The following CSMD1 variants were observed in gnomAD, a reference collection of about 807,000 sequenced individuals.
CSMD1 encodes CUB and Sushi multiple domains 1.
CSMD1 carries 213 observed loss-of-function variants against 417.5 expected under a neutral mutation model. That is an observed-to-expected ratio of 0.51 (90% CI 0.46 to 0.57). CSMD1 has a LOEUF of 0.57. Among genes scored for constraint, CSMD1 ranks in the 20% least tolerant of loss-of-function variants. CSMD1 has a pLI of 0.00. For missense variants in CSMD1, 6,923 were observed against 4,529.7 expected, an observed-to-expected ratio of 1.53 and a Z score of -15.17; for synonymous variants, 2,862 against 1,736.8, an observed-to-expected ratio of 1.65 and a Z score of -16.11.
intron 47 of CSMD1, among the ~76,000 whole-genome samples, chr8:3,095,649 A>G (rs570403644): frequency 6.6e-6 from 1 of 152,298 alleles, no homozygotes; most frequent in South Asian, 2.1e-4. Flanking sequence ...CCATTAGAAT[A>G]ATTTATTTTT....
At chr8:4,572,317 G>C (rs900138629) in intron 2 of CSMD1, among the ~76,000 whole-genome samples, 1 of 152,158 alleles carries the variant, frequency 6.6e-6, no homozygotes. Flanking sequence ...GCCTAGTGGT[G>C]ACAAAATCCC....
intron 3 of CSMD1, among the ~76,000 whole-genome samples, chr8:4,064,971 A>G (rs1456349610): frequency 6.6e-6 from 1 of 152,134 alleles, no homozygotes; most frequent in African/African-American, 2.4e-5. Flanking sequence ...CTGTGCATTC[A>G]CTAACTTTTG....
intron 4 of CSMD1, among the ~76,000 whole-genome samples, chr8:4,020,007 G>A (rs1220672011): frequency 7.3e-5 from 11 of 151,298 alleles, no homozygotes; most frequent in East Asian, 1.9e-4. Context: ...TTGCCATTCC[G>A]CTCTGGGCAC....
rs193249349 is a variant in CSMD1, at chr8:4,751,141, T to A, written c.86-113583A>T. ...GGCTCAGGCCTGTAATCCCAGCACT[T>A]TGGGAGGCCGAGGTGGGTGGATCAC... On this transcript the variant is annotated intron_variant, in intron 1 of 69. Transcript: ENST00000635120. Among the ~76,000 whole-genome samples the A allele has an allele frequency of 6.9e-3, 1,050 of 152,278 alleles. 11 individuals carry two copies. The highest frequency in any genetic ancestry group is 0.024 in the African/African-American group (1,017 of 41,564).
intron 4 of CSMD1, among the ~76,000 whole-genome samples, chr8:4,001,179 C>G (rs527474693): frequency 2.0e-5 from 3 of 152,166 alleles, no homozygotes; most frequent in African/African-American, 4.8e-5. Flanking sequence ...ATAGAATAAA[C>G]ATAGAATACA....
intron 3 of CSMD1, among the ~76,000 whole-genome samples, chr8:4,393,074 C>T (rs947014740): frequency 6.6e-6 from 1 of 152,126 alleles, no homozygotes; most frequent in African/African-American, 2.4e-5. Context: ...CTCCGGGGTT[C>T]AAGCGATTCT....
intron 7 of CSMD1, among the ~76,000 whole-genome samples, chr8:3,691,674 AT>A: frequency 6.6e-6 from 1 of 152,168 alleles, no homozygotes; most frequent in East Asian, 1.9e-4. Context: ...TGGGCTAAGT[AT>A]TTTTTATAGC....
chr8:4,506,939 A>G (rs912237669), intron 2 of CSMD1, among the ~76,000 whole-genome samples: 3 of 152,190 alleles, frequency 2.0e-5, no homozygotes, highest in Admixed American at 6.5e-5. Flanking sequence ...TTAAAATATA[A>G]GGAGAAAGGT....
chr8:4,356,051 A>T (rs1177163665), intron 3 of CSMD1, among the ~76,000 whole-genome samples: 5 of 152,194 alleles, frequency 3.3e-5, no homozygotes, highest in Admixed American at 2.6e-4. Context: ...TGGTGCACTC[A>T]TCACCTGAGC....
In CSMD1 at chr8:4,364,203, A is replaced by G. The variant is rs3860869; in HGVS notation, c.415+55750T>C. 7.4e-3 allele frequency among the ~76,000 whole-genome samples: 1,122 copies of G among 152,332 alleles called. 13 individuals carry two copies. Among genetic ancestry groups the G allele is most frequent in the African/African-American group, 0.026 (1,072 of 41,566 alleles). On this transcript the variant is annotated intron_variant, in intron 3 of 69. Transcript: ENST00000635120. ...AATGCCCACAAAAATTTAAAAAATA[A>G]GTTATTGTAAAAATAAGTAGTTAAT...
At chr8:3,087,441 A>C (rs2129006326) in intron 48 of CSMD1, among the ~76,000 whole-genome samples, 156 bp from the exon 49 acceptor site, 1 of 152,282 alleles carries the variant, frequency 6.6e-6, no homozygotes, top group Middle Eastern at 3.4e-3. Flanking sequence ...GCATTCCAAA[A>C]CTTGAGAGTC....
intron 1 of CSMD1, among the ~76,000 whole-genome samples, chr8:4,987,806 G>C (rs1023382781): frequency 1.3e-5 from 2 of 152,178 alleles, no homozygotes; most frequent in Non-Finnish European, 2.9e-5. Flanking sequence ...CACATGCTGA[G>C]TCTTCAGGTC....
intron 1 of CSMD1, among the ~76,000 whole-genome samples, chr8:4,643,091 T>C (rs779761551): frequency 4.2e-4 from 64 of 152,006 alleles, no homozygotes; most frequent in Non-Finnish European, 6.9e-4. Context: ...GTAAATAGAG[T>C]CCAGGCAGAA....
intron 5 of CSMD1, among the ~76,000 whole-genome samples, chr8:3,843,411 G>C (rs1314238604): frequency 6.6e-6 from 1 of 152,070 alleles, no homozygotes; most frequent in African/African-American, 2.4e-5. Context: ...GATATTTAAA[G>C]TCAAAGTTGG....
At chr8:4,749,693 A>C (rs1811180318) in intron 1 of CSMD1, among the ~76,000 whole-genome samples, 3 of 152,146 alleles carry the variant, frequency 2.0e-5, no homozygotes, top group African/African-American at 7.2e-5. Flanking sequence ...CAAGTTAGCA[A>C]TTTCAACTTA....
intron 3 of CSMD1, among the ~76,000 whole-genome samples, chr8:4,096,557 A>T (rs1235357438): frequency 1.4e-5 from 2 of 147,454 alleles, no homozygotes; most frequent in Non-Finnish European, 3.0e-5. Flanking sequence ...TTAACGATTG[A>T]TAATGCACGC....
At chr8:4,253,288 A>G (rs1267573583) in intron 3 of CSMD1, among the ~76,000 whole-genome samples, 3 of 152,154 alleles carry the variant, frequency 2.0e-5, no homozygotes, top group African/African-American at 4.8e-5. Flanking sequence ...TAAATTAGAC[A>G]TTCTCTCTTC....
At chr8:4,591,122 T>C (rs1193163493) in intron 2 of CSMD1, among the ~76,000 whole-genome samples, 1 of 152,234 alleles carries the variant, frequency 6.6e-6, no homozygotes, top group East Asian at 1.9e-4. Context: ...TCAAAAGTAT[T>C]GAGTTCTGAA....
intron 3 of CSMD1, among the ~76,000 whole-genome samples, chr8:4,313,111 G>T (rs1020003500): frequency 2.0e-5 from 3 of 152,126 alleles, no homozygotes; most frequent in Non-Finnish European, 4.4e-5. Flanking sequence ...CATTCTTATG[G>T]TCCCTTATTG....
Sources: allele counts gnomAD v4.1 joint callset (sites outside exome capture counted in the v4.1 genomes callset), GRCh38; gene constraint gnomAD v4.1.1; transcripts MANE v1.5; gene names NCBI Gene and HGNC (gene_info 2026-07-23, HGNC 2026-07-21).